The following RNF213 variants were observed in gnomAD, a reference collection of about 807,000 sequenced individuals.
RNF213 encodes the protein ring finger protein 213, also known as E3 ubiquitin-protein ligase RNF213.
A neutral mutation model predicts 514.4 loss-of-function variants in RNF213; 341 were observed. The observed-to-expected ratio is 0.66, with a 90% CI of 0.61 to 0.73. The LOEUF (loss-of-function observed/expected upper bound fraction) is 0.73, where lower values mean the gene tolerates loss of function less well. Ranked by LOEUF, RNF213 falls within the 30% of genes least tolerant of loss-of-function variation. RNF213 has a pLI of 0.00. For synonymous variants in RNF213, 2,655 were observed against 2,658.2 expected, an observed-to-expected ratio of 1.00 and a Z score of 0.04; for missense variants, 5,767 against 6,615.6, an observed-to-expected ratio of 0.87 and a Z score of 4.45.
At chr17:80,316,736 T>G in intron 15 of RNF213, 1 of 264,322 alleles carries the variant, frequency 3.8e-6, no homozygotes, top group Non-Finnish European at 7.5e-6. Context: ...TTTCCAACGG[T>G]TTGGGAGAGA....
intron 20 of RNF213, among the ~76,000 whole-genome samples, chr17:80,331,384 TTA>T (rs1365201211): frequency 7.3e-6 from 1 of 137,462 alleles, no homozygotes; most frequent in East Asian, 2.1e-4. Context: ...CCTTGTCAGT[TTA>T]TGACTTTTTT....
Position 80,344,035 on chromosome 17 carries a change from T to C in RNF213, c.6342+20T>C. ...GCGCTGGTCTGTACTGTGGGGCGTT[T>C]TCGCCTGGCGTGGGGGGCTCTTGGG... On this transcript the variant is annotated intron_variant, in intron 28 of 67. Transcript: ENST00000582970. 6.2e-7 allele frequency: 1 copy of C among 1,609,100 alleles called. No individual in the cohort carries two copies. The highest frequency in any genetic ancestry group is 8.5e-7 in the Non-Finnish European group (1 of 1,176,888).
chr17:80,380,788 G>A (rs747543753), intron 55 of RNF213, 43 bp from the exon 56 acceptor site: 19 of 1,613,356 alleles, frequency 1.2e-5, no homozygotes, highest in Admixed American at 6.7e-5. Flanking sequence ...GTGCCAAAGC[G>A]GCCAGCCTCA....
chr17:80,334,019 C>A, intron 21 of RNF213, 86 bp from the exon 22 acceptor site: 2 of 1,478,166 alleles, frequency 1.4e-6, no homozygotes, highest in South Asian at 2.4e-5. Context: ...GAGGGTGGGG[C>A]TGCTGGGACG....
At chr17:80,292,156 C>T (rs2044754668) in intron 8 of RNF213, 1 of 397,412 alleles carries the variant, frequency 2.5e-6, no homozygotes, top group Non-Finnish European at 4.8e-6. Flanking sequence ...GCGATCTCGG[C>T]TCACTGCAAC....
At chr17:80,342,510 T>A (rs2078181339) in intron 26 of RNF213, among the ~76,000 whole-genome samples, 1 of 151,430 alleles carries the variant, frequency 6.6e-6, no homozygotes, top group Admixed American at 6.6e-5. Context: ...TCTCTTACTC[T>A]TTGTCCTAGC....
chr17:80,363,812 C>T, intron 41 of RNF213, 22 bp downstream of exon 41: 3 of 1,610,032 alleles, frequency 1.9e-6, no homozygotes, highest in Non-Finnish European at 2.5e-6. Flanking sequence ...GAGCCCTCAC[C>T]CACTGCTTCA....
chr17:80,295,411 C>G, intron 9 of RNF213, 146 bp from the exon 10 acceptor site: 1 of 1,028,748 alleles, frequency 9.7e-7, no homozygotes, highest in East Asian at 2.5e-5. Flanking sequence ...CTTGGCTGCA[C>G]TGCAGCTCCT....
rs1297717099 is a variant in RNF213 at position 80,347,629 on chromosome 17, G to C, written c.9294G>C (p.Lys3098Asn). 2 of 1,614,028 alleles carry C rather than the reference G, an allele frequency of 1.2e-6. No individual in the cohort carries two copies. The highest frequency in any genetic ancestry group is 1.7e-6 in the Non-Finnish European group (2 of 1,180,040). The change falls in exon 29 of 68, where the codon AAG (lysine) becomes AAC (asparagine). Residue 3098 changes from lysine (K) to asparagine (N), a missense_variant. Physicochemically the swap from Lys to Asn is moderately conservative, Grantham distance 94. Transcript: ENST00000582970. This position sits in a 1 kb window ranked among gnomAD's most constrained non-coding sequence, Gnocchi z 7.2. ...TGAAGATCTGCATGGAAACAGGCAA[G>C]ATGGTGTTGCTTCTCAACCTGCAGA... The part of the protein sequence containing the change: ...NRVKICMETG[K>N]MVLLLNLQNL...
intron 2 of RNF213, among the ~76,000 whole-genome samples, chr17:80,267,994 T>C (rs1321183992): frequency 6.6e-6 from 1 of 151,896 alleles, no homozygotes; most frequent in African/African-American, 2.4e-5. Flanking sequence ...TAATATTGTA[T>C]TTTTTATTAG....
In RNF213 at chr17:80,292,627, G is replaced by A. The variant is rs1367416405; in HGVS notation, c.1471+800G>A. 3.9e-5 allele frequency among the ~76,000 whole-genome samples: 6 copies of A among 151,904 alleles called. No homozygotes were observed. The East Asian group carries it at 5.9e-4, about 15-fold the overall frequency. On this transcript the variant is annotated intron_variant, in intron 8 of 67. Transcript: ENST00000582970. ...TGCCCATCTGTCAATAGACGCGGGC[G>A]CTTCCCTTCTCGCAGAGCCCTCTGC... is the stretch of plus-strand genomic sequence containing the variant.
intron 2 of RNF213, among the ~76,000 whole-genome samples, chr17:80,272,608 C>T (rs1261101666): frequency 6.6e-6 from 1 of 152,248 alleles, no homozygotes; most frequent in Non-Finnish European, 1.5e-5. Context: ...GACCTCCCCG[C>T]AGCCCTGCCT....
intron 67 of RNF213, among the ~76,000 whole-genome samples, chr17:80,391,203 C>T (rs901827773): frequency 6.6e-6 from 1 of 152,176 alleles, no homozygotes; most frequent in African/African-American, 2.4e-5. Context: ...AGTTGTATTT[C>T]CCCATTTACC....
Position 80,295,595 on chromosome 17 carries a change from G to A in RNF213, c.1794G>A (p.Val598=). The A allele has an allele frequency of 6.2e-7, 1 of 1,614,144 alleles. No homozygotes were observed. The highest frequency in any genetic ancestry group is 1.7e-5 in the Admixed American group (1 of 60,008). The change falls in exon 10 of 68, where the codon GTG becomes GTA. Residue 598 remains valine (V), a synonymous_variant. Transcript: ENST00000582970. ...TGTGGCAACATCTGAAAAAACACGTGGTACCATTGCCGGACGGAAAAAGCA... is the reference window on the plus strand; with the variant it reads ...TGTGGCAACATCTGAAAAAACACGTAGTACCATTGCCGGACGGAAAAAGCA... ...RYLWQHLKKH[V]VPLPDGKSTD...
chr17:80,342,912 T>A (rs2078202961), intron 26 of RNF213, among the ~76,000 whole-genome samples: 1 of 151,764 alleles, frequency 6.6e-6, no homozygotes. Context: ...TTCAAGCGAT[T>A]CTCCTGCCTC....
At position 80,263,565 on chromosome 17, in the gene RNF213, C is replaced by CT; in HGVS notation, c.-108-6dup. On this transcript the variant is annotated splice_polypyrimidine_tract_variant and intron_variant, in intron 1 of 67. Coordinates refer to ENST00000582970, the MANE Select transcript of RNF213 (RefSeq NM_001256071.3). This position sits in a 1 kb window ranked among gnomAD's most constrained non-coding sequence, Gnocchi z 4.9. ...GACCAGCTGGGCTGCTGTGATTTCA[C>CT]TTTCGCAGAAAATGAAACTGAAGCC... 2 of 896,664 alleles carry CT rather than the reference C, an allele frequency of 2.2e-6. No homozygotes were observed. The highest frequency in any genetic ancestry group is 1.9e-6 in the Non-Finnish European group (1 of 532,554). 55.5% of individuals were successfully genotyped at this position (896,664 alleles called of 1,614,324 possible).
chr17:80,315,706 ATGGAAGTGATGGTGGAGGTAC>A (rs2045896011), intron 15 of RNF213: 3 of 107,556 alleles, frequency 2.8e-5, no homozygotes, highest in African/African-American at 4.1e-5. Context: ...GGTAGAGGTA[ATGGAAGTGATGGTGGAGGTAC>A]TGGAGGTGAT....
chr17:80,288,248 C>T lies in RNF213; in HGVS notation c.695C>T (p.Ser232Phe). The part of the protein sequence containing the change: ...GPPTSAGEGH[S>F]RTEDAAQELL... ...CCCACCTCTGCTGGTGAAGGCCATT[C>T]TAGGACTGAAGATGCTGCCCAGGAG... The change falls in exon 4 of 68, where the codon TCT becomes TTT. Residue 232 changes from serine (S) to phenylalanine (F), a missense_variant. Physicochemically the swap from Ser to Phe is radical, Grantham distance 155. Coordinates refer to ENST00000582970, the MANE Select transcript of RNF213 (RefSeq NM_001256071.3). The surrounding 1 kb of genome is among the most constrained non-coding windows in gnomAD (Gnocchi z 4.9). 6.2e-7 allele frequency: 1 copy of T among 1,613,336 alleles called. No individual in the cohort carries two copies. Among genetic ancestry groups the T allele is most frequent in the African/African-American group, 1.3e-5 (1 of 75,068 alleles).
Position 80,345,780 on chromosome 17 carries a change from C to A in RNF213, c.7445C>A (p.Thr2482Asn). ...AATAAGGACCAACATCAGTTGGACA[C>A]CATCTTGTTTTTTGATGAAGCCAAC... The part of the protein sequence containing the change: ...FANKDQHQLD[T>N]ILFFDEANTT... The change falls in exon 29 of 68, where the codon ACC becomes AAC. Residue 2482 changes from threonine (T) to asparagine (N), a missense_variant. Around this residue, in one of 13 missense-constraint regions of RNF213, gnomAD observed 1,377 missense variants for 1,635.2 expected, o/e 0.84. Coordinates refer to ENST00000582970, the MANE Select transcript of RNF213 (RefSeq NM_001256071.3). This position sits in a 1 kb window ranked among gnomAD's most constrained non-coding sequence, Gnocchi z 6.0. 6.2e-7 allele frequency: 1 copy of A among 1,614,150 alleles called. No homozygotes were observed. The highest frequency in any genetic ancestry group is 8.5e-7 in the Non-Finnish European group (1 of 1,180,030).
Sources: gnomAD v4.1 joint callset for allele counts (sites outside exome capture counted in the v4.1 genomes callset) on GRCh38, gnomAD v4.1.1 for gene constraint, gnomAD v4.1.1 regional missense constraint, Gnocchi (gnomAD v3.1) non-coding constraint, MANE v1.5 for transcripts, NCBI Gene and HGNC (gene_info 2026-07-23, HGNC 2026-07-21) for gene names.